The following TRPM3 variants were observed in gnomAD, a reference collection of about 807,000 sequenced individuals.
TRPM3 encodes transient receptor potential cation channel subfamily M member 3.
In TRPM3, 77 loss-of-function variants were observed where a neutral mutation model predicts 181.2. The observed-to-expected ratio is 0.42, with a 90% CI of 0.35 to 0.51. The LOEUF (loss-of-function observed/expected upper bound fraction) is 0.51, where lower values mean the gene tolerates loss of function less well. Ranked by LOEUF, TRPM3 falls within the 20% of genes least tolerant of loss-of-function variation. TRPM3 has a pLI of 0.01. For synonymous variants in TRPM3, 745 were observed against 796.4 expected, an observed-to-expected ratio of 0.94 and a Z score of 1.09; for missense variants, 1,759 against 2,196.7, an observed-to-expected ratio of 0.80 and a Z score of 3.98.
intron 1 of TRPM3, among the ~76,000 whole-genome samples, chr9:71,443,387 C>T (rs1351592113): frequency 6.6e-6 from 1 of 151,986 alleles, no homozygotes; most frequent in African/African-American, 2.4e-5. Context: ...TAGACACACC[C>T]ACTATTGTGG....
intron 9 of TRPM3, among the ~76,000 whole-genome samples, chr9:70,671,883 C>A (rs919420706): frequency 6.6e-6 from 1 of 151,932 alleles, no homozygotes; most frequent in East Asian, 1.9e-4. Flanking sequence ...CCTGCCTCAG[C>A]CTCCCCAGTA....
intron 6 of TRPM3, among the ~76,000 whole-genome samples, chr9:70,796,259 C>T (rs973439924): frequency 9.9e-5 from 15 of 152,268 alleles, no homozygotes; most frequent in East Asian, 5.8e-4. Context: ...AATTATGGAT[C>T]GGAAAATCAC....
At chr9:71,438,923 C>T (rs916906368) in intron 1 of TRPM3, among the ~76,000 whole-genome samples, 79 of 152,272 alleles carry the variant, frequency 5.2e-4, no homozygotes, top group African/African-American at 1.9e-3. Context: ...TAAAAACATT[C>T]CTTCCCAAAG....
At chr9:70,576,847 A>AT (rs1351191904) in intron 22 of TRPM3, among the ~76,000 whole-genome samples, 4 of 151,806 alleles carry the variant, frequency 2.6e-5, no homozygotes, top group Non-Finnish European at 5.9e-5. Context: ...TCACACTGGC[A>AT]TTTTTTTTGA....
intron 1 of TRPM3, among the ~76,000 whole-genome samples, chr9:71,432,718 T>G (rs778208991): frequency 3.9e-5 from 6 of 152,192 alleles, no homozygotes; most frequent in Non-Finnish European, 8.8e-5. Context: ...TTGTTCAAAA[T>G]GTGTGTTTAG....
At chr9:70,907,304 T>G (rs2096480956) in intron 1 of TRPM3, among the ~76,000 whole-genome samples, 1 of 152,220 alleles carries the variant, frequency 6.6e-6, no homozygotes, top group African/African-American at 2.4e-5. Context: ...CTCTGCCTCC[T>G]TGTTTCAGTT....
chr9:70,687,740 T>C (rs1172558400), intron 8 of TRPM3, among the ~76,000 whole-genome samples: 4 of 152,218 alleles, frequency 2.6e-5, no homozygotes, highest in Non-Finnish European at 5.9e-5. Context: ...GTGTATGTGC[T>C]TGCTCTTATT....
At chr9:70,813,103 T>C (rs2092299032) in intron 6 of TRPM3, among the ~76,000 whole-genome samples, 1 of 133,680 alleles carries the variant, frequency 7.5e-6, no homozygotes, top group Non-Finnish European at 1.6e-5. Flanking sequence ...CACGTGACTG[T>C]GATTTTTTTT....
At chr9:70,917,249 G>A (rs2096606443) in intron 1 of TRPM3, 2 of 1,553,892 alleles carry the variant, frequency 1.3e-6, no homozygotes, top group Non-Finnish European at 1.8e-6. Flanking sequence ...GAGTGCATCA[G>A]TTATCATAAA....
chr9:70,789,720 C>G (rs899141871), intron 6 of TRPM3, among the ~76,000 whole-genome samples: 9 of 152,198 alleles, frequency 5.9e-5, no homozygotes, highest in African/African-American at 2.2e-4. Flanking sequence ...TTAGAGCATA[C>G]GAAAATGTGA....
At chr9:71,365,963 G>A (rs1167223087) in intron 1 of TRPM3, among the ~76,000 whole-genome samples, 1 of 152,034 alleles carries the variant, frequency 6.6e-6, no homozygotes, top group Non-Finnish European at 1.5e-5. Flanking sequence ...ATAAAAAAAG[G>A]GGGATAAAGA....
chr9:70,810,820 C>T (rs1340361332), intron 6 of TRPM3, among the ~76,000 whole-genome samples: 2 of 152,102 alleles, frequency 1.3e-5, no homozygotes, highest in South Asian at 2.1e-4. Context: ...GCCATTTCAT[C>T]AACTGTATAA....
At chr9:70,604,669 G>GTCTC (rs1805541028) in intron 19 of TRPM3, among the ~76,000 whole-genome samples, 1 of 152,130 alleles carries the variant, frequency 6.6e-6, no homozygotes, top group Non-Finnish European at 1.5e-5. Context: ...TTGGGACAGG[G>GTCTC]TCTCACTCTC....
At position 70,681,547 on chromosome 9, in the gene TRPM3, T is replaced by C; in HGVS notation, c.1304A>G (p.His435Arg). ...ITVFRMGSEGHQDIDLAILTA... is the reference protein window; with the variant it reads ...ITVFRMGSEGRQDIDLAILTA... ...CAGGATAGCCAAATCAATGTCCTGGTGTCCTTCTGATCCCATCCGAAATAC... is the reference window on the plus strand; with the variant it reads ...CAGGATAGCCAAATCAATGTCCTGGCGTCCTTCTGATCCCATCCGAAATAC... The change falls in exon 9 of 26, where the codon CAC becomes CGC. Residue 435 changes from histidine (H) to arginine (R), a missense_variant. Physicochemically the swap from His to Arg is conservative, Grantham distance 29 (BLOSUM62 0). This residue lies in a region of TRPM3 where 737 missense variants were observed against 957.4 expected (regional missense o/e 0.77). Transcript: ENST00000677713. 6.2e-7 allele frequency: 1 copy of C among 1,613,942 alleles called. No individual in the cohort carries two copies. Among genetic ancestry groups the C allele is most frequent in the Non-Finnish European group, 8.5e-7 (1 of 1,179,824 alleles).
chr9:70,823,645 C>T (rs187644494), intron 6 of TRPM3, among the ~76,000 whole-genome samples: 70 of 152,208 alleles, frequency 4.6e-4, no homozygotes, highest in African/African-American at 1.6e-3. Flanking sequence ...TAAAAACTAT[C>T]GGCCATCACA....
chr9:71,411,282 A>C (rs2093544403), intron 1 of TRPM3, among the ~76,000 whole-genome samples: 1 of 152,148 alleles, frequency 6.6e-6, no homozygotes, highest in South Asian at 2.1e-4. Context: ...GAAATAAAGG[A>C]TATTCAATTA....
chr9:70,933,912 A>G (rs1049007115), intron 1 of TRPM3, among the ~76,000 whole-genome samples: 8 of 152,130 alleles, frequency 5.3e-5, no homozygotes, highest in African/African-American at 9.7e-5. Context: ...GGAGCTCCCT[A>G]TGACAGAAAG....
chr9:71,074,643 C>A, intron 1 of TRPM3, among the ~76,000 whole-genome samples: 1 of 152,154 alleles, frequency 6.6e-6, no homozygotes, highest in East Asian at 1.9e-4. Flanking sequence ...TTCTTCCTCA[C>A]AGGGTGGTTG....
chr9:70,676,923 A>C (rs1443040411), intron 9 of TRPM3, among the ~76,000 whole-genome samples: 1 of 151,844 alleles, frequency 6.6e-6, no homozygotes, highest in African/African-American at 2.4e-5. Flanking sequence ...CCAGTCATAA[A>C]GCCTAAAGCT....
Sources: allele counts gnomAD v4.1 joint callset (sites outside exome capture counted in the v4.1 genomes callset), GRCh38; gene constraint gnomAD v4.1.1; regional missense constraint gnomAD v4.1.1; transcripts MANE v1.5; gene names NCBI Gene and HGNC (gene_info 2026-07-23, HGNC 2026-07-21).